TRAF3: variants seen among roughly 807,000 people sequenced by gnomAD.
The protein encoded by TRAF3 is TNF receptor associated factor 3.
Under a neutral mutation model 62.3 loss-of-function variants are expected in TRAF3, and 13 were observed. The ratio of observed to expected loss-of-function variants is 0.21; its 90% CI spans 0.14 to 0.33. The LOEUF is 0.33. Among genes scored for constraint, TRAF3 ranks in the 10% least tolerant of loss-of-function variants. The pLI, the probability that TRAF3 is intolerant of heterozygous loss-of-function variation, is 1.00. For synonymous variants in TRAF3, 269 were observed against 283.4 expected, an observed-to-expected ratio of 0.95 and a Z score of 0.51; for missense variants, 440 against 741.8, an observed-to-expected ratio of 0.59 and a Z score of 4.73.
chr14:102,839,210 CTTTTTTTTTTTTTTTTTT>C (rs56998347), intron 2 of TRAF3, among the ~76,000 whole-genome samples: 1 of 89,836 alleles, frequency 1.1e-5, no homozygotes, highest in Admixed American at 1.2e-4. Context: ...GTTGATTTGC[CTTTTTTTTTTTTTTTTTT>C]TTTTTTTTTT....
intron 2 of TRAF3, among the ~76,000 whole-genome samples, chr14:102,845,640 C>T (rs575538944): frequency 1.3e-3 from 195 of 151,896 alleles, no homozygotes; most frequent in Non-Finnish European, 1.5e-3. Flanking sequence ...CTCAGCCTCC[C>T]GAGTAGCTGG....
intron 10 of TRAF3, among the ~76,000 whole-genome samples, chr14:102,898,233 G>A (rs1324542519): frequency 6.6e-6 from 1 of 152,220 alleles, no homozygotes; most frequent in Non-Finnish European, 1.5e-5. Flanking sequence ...GACTTGAATT[G>A]CGTAGGGATT....
At chr14:102,781,531 G>A (rs1897272020) in intron 1 of TRAF3, among the ~76,000 whole-genome samples, 5 of 152,146 alleles carry the variant, frequency 3.3e-5, no homozygotes, top group Admixed American at 3.3e-4. Flanking sequence ...CCTGGCATGC[G>A]CACCTGTGGT....
intron 1 of TRAF3, among the ~76,000 whole-genome samples, chr14:102,816,209 C>T: frequency 6.6e-6 from 1 of 151,882 alleles, no homozygotes; most frequent in East Asian, 1.9e-4. Context: ...CTCAGGTGAT[C>T]CTCTCACCTC....
Position 102,791,111 on chromosome 14 carries a change from C to G in TRAF3, c.-157+13436C>G, listed in dbSNP as rs182889873. Among the ~76,000 whole-genome samples the G allele has an allele frequency of 2.0e-5, 3 of 151,840 alleles. No homozygotes were observed. The South Asian group carries it at 6.3e-4, about 32-fold the overall frequency. On this transcript the variant is annotated intron_variant, in intron 1 of 11. Coordinates refer to ENST00000392745, the MANE Select transcript of TRAF3 (RefSeq NM_145725.3). ...CTCGGCTCACTGCAACCTCCGCCTC[C>G]CGGGTTCATGCCATTCTCCTGCCTC...
intron 2 of TRAF3, among the ~76,000 whole-genome samples, chr14:102,845,467 T>C (rs1274487753): frequency 6.6e-6 from 1 of 151,422 alleles, no homozygotes; most frequent in African/African-American, 2.4e-5. Context: ...TCTTCCAAAG[T>C]GCTGAGATTA....
At chr14:102,834,556 G>A (rs1274243362) in intron 2 of TRAF3, among the ~76,000 whole-genome samples, 1 of 151,778 alleles carries the variant, frequency 6.6e-6, no homozygotes, top group Non-Finnish European at 1.5e-5. Flanking sequence ...GCGTGGTGGC[G>A]GGCGCCTGTA....
intron 2 of TRAF3, 40 bp from the exon 3 acceptor site, chr14:102,870,145 T>C (rs1214400139): frequency 6.2e-7 from 1 of 1,613,476 alleles, no homozygotes; most frequent in African/African-American, 1.3e-5. Context: ...TTTCCTTGCA[T>C]GAGAGGATAT....
In TRAF3 at chr14:102,856,981, T is replaced by C. The variant is rs367554202; in HGVS notation, c.-17-13204T>C. Among the ~76,000 whole-genome samples, 8 of 152,334 alleles carry C rather than the reference T, an allele frequency of 5.3e-5. No individual in the cohort carries two copies. In the East Asian group the frequency reaches 1.2e-3, roughly 22 times the overall value. On this transcript the variant is annotated intron_variant, in intron 2 of 11. Coordinates refer to ENST00000392745, the MANE Select transcript of TRAF3 (RefSeq NM_145725.3). ...TTTAAGAAAACATTCAGTAAACTTA[T>C]CCTGCATTCCTACACAAAGAGTACA...
intron 1 of TRAF3, among the ~76,000 whole-genome samples, chr14:102,812,930 AG>A (rs1899286571): frequency 6.6e-6 from 1 of 152,054 alleles, no homozygotes; most frequent in Admixed American, 6.6e-5. Flanking sequence ...AAAAAAAAAA[AG>A]TTGCCTTTTC....
chr14:102,867,370 T>A (rs1027010306), intron 2 of TRAF3, among the ~76,000 whole-genome samples: 1 of 152,220 alleles, frequency 6.6e-6, no homozygotes, highest in Non-Finnish European at 1.5e-5. Context: ...CTGGCTGGAT[T>A]TGATTTGCAG....
chr14:102,802,431 G>A (rs1002994730), intron 1 of TRAF3, among the ~76,000 whole-genome samples: 2 of 151,150 alleles, frequency 1.3e-5, no homozygotes, highest in Admixed American at 6.6e-5. Context: ...TGGGATTACA[G>A]GCGTGAGCCA....
At chr14:102,840,767 A>C (rs2139677391) in intron 2 of TRAF3, among the ~76,000 whole-genome samples, 1 of 152,268 alleles carries the variant, frequency 6.6e-6, no homozygotes, top group Admixed American at 6.5e-5. Flanking sequence ...TCCCAAATTG[A>C]CTTCTATCTT....
intron 10 of TRAF3, among the ~76,000 whole-genome samples, chr14:102,900,355 G>A (rs1356581609): frequency 6.6e-6 from 1 of 152,076 alleles, no homozygotes; most frequent in Non-Finnish European, 1.5e-5. Context: ...AGAAAAATTA[G>A]CTGGGCGCAG....
At chr14:102,886,390 A>T in intron 7 of TRAF3, 121 bp downstream of exon 7, 1 of 858,232 alleles carries the variant, frequency 1.2e-6, no homozygotes, top group Non-Finnish European at 1.8e-6. Flanking sequence ...TGTGTATGGC[A>T]GACAAACAAA....
intron 1 of TRAF3, among the ~76,000 whole-genome samples, chr14:102,804,811 G>C (rs948477887): frequency 6.6e-6 from 1 of 151,928 alleles, no homozygotes; most frequent in Non-Finnish European, 1.5e-5. Flanking sequence ...TGGTTTTTGT[G>C]GTCCTTTTTT....
intron 8 of TRAF3, 110 bp downstream of exon 8, chr14:102,889,744 A>C: frequency 7.6e-7 from 1 of 1,320,690 alleles, no homozygotes; most frequent in Non-Finnish European, 1.1e-6. Context: ...CTTTGTCATG[A>C]AACTGAAACA....
At chr14:102,893,400 A>G (rs1176276165) in intron 9 of TRAF3, among the ~76,000 whole-genome samples, 1 of 151,910 alleles carries the variant, frequency 6.6e-6, no homozygotes, top group Non-Finnish European at 1.5e-5. Flanking sequence ...AAAAAAAAAA[A>G]AAAAGGAATG....
chr14:102,782,910 G>T (rs998245117), intron 1 of TRAF3, among the ~76,000 whole-genome samples: 8 of 152,134 alleles, frequency 5.3e-5, no homozygotes, highest in African/African-American at 1.7e-4. Context: ...ACCAAGTGGG[G>T]TAATATAATC....
Sources: allele counts gnomAD v4.1 joint callset (sites outside exome capture counted in the v4.1 genomes callset), GRCh38; gene constraint gnomAD v4.1.1; transcripts MANE v1.5; gene names NCBI Gene and HGNC (gene_info 2026-07-23, HGNC 2026-07-21).